The following ANKS1B variants were observed in gnomAD, a reference collection of about 807,000 sequenced individuals.
ANKS1B encodes the protein ankyrin repeat and sterile alpha motif domain-containing protein 1B.
ANKS1B carries 36 observed loss-of-function variants against 148.3 expected under a neutral mutation model. The observed-to-expected ratio is 0.24, with a 90% CI of 0.19 to 0.32. The LOEUF is 0.32. Among genes scored for constraint, ANKS1B ranks in the 10% least tolerant of loss-of-function variants. ANKS1B has a pLI of 1.00. For missense variants in ANKS1B, 1,157 were observed against 1,542.6 expected (o/e 0.75, Z 4.19); for synonymous variants, 542 against 560.8 (o/e 0.97, Z 0.47).
intron 17 of ANKS1B, among the ~76,000 whole-genome samples, chr12:98,995,889 G>C (rs1287984258): frequency 6.6e-6 from 1 of 152,154 alleles, no homozygotes; most frequent in African/African-American, 2.4e-5. Context: ...GAGGACAAGA[G>C]TACTCTGCAC....
At chr12:99,924,074 CT>C (rs1191595657) in intron 1 of ANKS1B, among the ~76,000 whole-genome samples, 1 of 152,120 alleles carries the variant, frequency 6.6e-6, no homozygotes, top group African/African-American at 2.4e-5. Context: ...TCACTTACCC[CT>C]AGTCAAAGAC....
intron 12 of ANKS1B, among the ~76,000 whole-genome samples, chr12:99,322,477 T>TAAAAAAA (rs757165561): frequency 6.1e-5 from 4 of 65,558 alleles, no homozygotes; most frequent in Non-Finnish European, 6.8e-5. Flanking sequence ...GAACTTAAAG[T>TAAAAAAA]AAAAAAAAAA....
intron 1 of ANKS1B, among the ~76,000 whole-genome samples, chr12:99,902,809 G>A (rs996006721): frequency 9.3e-5 from 14 of 150,114 alleles, no homozygotes; most frequent in African/African-American, 3.0e-4. Context: ...GGAATGCAGC[G>A]GCACCATCTC....
rs1448445208 is a variant in ANKS1B at position 99,787,560 on chromosome 12, CAAAATT to C, written c.670-5469_670-5464del. Among the ~76,000 whole-genome samples, 130 of 152,270 alleles carry C rather than the reference CAAAATT, an allele frequency of 8.5e-4. 1 individual carries two copies. Among genetic ancestry groups the C allele is most frequent in the Non-Finnish European group, 1.2e-4 (8 of 68,008 alleles). On this transcript the variant is annotated intron_variant, in intron 4 of 26. Coordinates refer to ENST00000683438, the MANE Select transcript of ANKS1B (RefSeq NM_001352186.2). Reference sequence around the variant, plus strand: ...AAAGAATAAGAGATGAAGGACAGAGCAAAATTGCAGAATATAAGCCTACATCATTTG... The same window carrying C: ...AAAGAATAAGAGATGAAGGACAGAGCGCAGAATATAAGCCTACATCATTTG...
At chr12:98,818,496 C>T (rs988383306) in intron 19 of ANKS1B, among the ~76,000 whole-genome samples, 3 of 152,084 alleles carry the variant, frequency 2.0e-5, no homozygotes, top group Non-Finnish European at 4.4e-5. Context: ...TCCCCAGGTT[C>T]CAGGGATGTT....
At position 98,929,527 on chromosome 12, in the gene ANKS1B, C is replaced by T. The variant is rs981275230; in HGVS notation, c.2779-97391G>A. ...AACTCATACTTCCTGATTTCAAAAC[C>T]TGATACAAAGCTACAGTTATCAAGA... On this transcript the variant is annotated intron_variant, in intron 17 of 26. Transcript: ENST00000683438. Among the ~76,000 whole-genome samples, 5 of 151,964 alleles carry T rather than the reference C, an allele frequency of 3.3e-5. No individual in the cohort carries two copies. In the East Asian group the frequency reaches 9.6e-4, roughly 29 times the overall value.
intron 17 of ANKS1B, among the ~76,000 whole-genome samples, chr12:99,002,837 G>A (rs573631601): frequency 1.3e-5 from 2 of 152,102 alleles, no homozygotes; most frequent in African/African-American, 2.4e-5. Context: ...GTTTTAGTCT[G>A]ATGTAGTCCC....
At chr12:99,170,715 C>CGTGAA (rs2077665080) in intron 14 of ANKS1B, among the ~76,000 whole-genome samples, 2 of 152,064 alleles carry the variant, frequency 1.3e-5, no homozygotes, top group African/African-American at 4.8e-5. Context: ...CTAATTGTAC[C>CGTGAA]GTGAAGTGAT....
chr12:98,757,512 G>A (rs2098278819), intron 25 of ANKS1B, among the ~76,000 whole-genome samples: 1 of 152,208 alleles, frequency 6.6e-6, no homozygotes, highest in South Asian at 2.1e-4. Context: ...CAGGAGCTGT[G>A]ATGAATGCTG....
intron 19 of ANKS1B, among the ~76,000 whole-genome samples, chr12:98,812,826 C>T (rs2099108493): frequency 1.3e-5 from 2 of 152,140 alleles, no homozygotes; most frequent in African/African-American, 2.4e-5. Context: ...ATCCACCCAC[C>T]TTAGCCTCCC....
intron 11 of ANKS1B, among the ~76,000 whole-genome samples, chr12:99,429,799 T>C (rs2095332891): frequency 6.6e-6 from 1 of 151,652 alleles, no homozygotes; most frequent in Non-Finnish European, 1.5e-5. Context: ...CTGTCTCTAC[T>C]AAAAAATACA....
At chr12:99,506,681 C>G (rs1567232123) in intron 9 of ANKS1B, among the ~76,000 whole-genome samples, 1 of 151,692 alleles carries the variant, frequency 6.6e-6, no homozygotes, top group Admixed American at 6.6e-5. Context: ...ATTCTAAGGC[C>G]CATAAAGACA....
chr12:99,928,316 G>A (rs1169167967), intron 1 of ANKS1B, among the ~76,000 whole-genome samples: 2 of 147,166 alleles, frequency 1.4e-5, no homozygotes, highest in African/African-American at 5.0e-5. Flanking sequence ...CTGTCGCCCA[G>A]GCCGGACTGC....
intron 11 of ANKS1B, among the ~76,000 whole-genome samples, chr12:99,412,843 T>C (rs1444300541): frequency 1.3e-5 from 2 of 152,212 alleles, no homozygotes; most frequent in Non-Finnish European, 2.9e-5. Context: ...AGAAAGTAAG[T>C]ATCATTGCCA....
At chr12:98,808,516 C>G (rs2153616845) in intron 19 of ANKS1B, among the ~76,000 whole-genome samples, 1 of 152,172 alleles carries the variant, frequency 6.6e-6, no homozygotes, top group African/African-American at 2.4e-5. Context: ...AGGAAGGAGG[C>G]TGGGGCAGGG....
intron 17 of ANKS1B, among the ~76,000 whole-genome samples, chr12:98,862,289 A>G (rs1401350148): frequency 6.6e-6 from 1 of 152,096 alleles, no homozygotes; most frequent in Non-Finnish European, 1.5e-5. Flanking sequence ...TCAGCCATGT[A>G]TTGCGGGAGA....
chr12:99,147,293 G>A (rs2073462627), intron 15 of ANKS1B, among the ~76,000 whole-genome samples: 1 of 152,142 alleles, frequency 6.6e-6, no homozygotes, highest in Non-Finnish European at 1.5e-5. Flanking sequence ...GGAGTTAAGA[G>A]GGAAAGGAAG....
In ANKS1B at chr12:99,981,080, T is replaced by C. The variant is rs115772986; in HGVS notation, c.134+3024A>G. ...CTCCCAGTCCAATAGGAAGCAAATC[T>C]TTAGTCATTAAGGCCTTAAAGAATA... On this transcript the variant is annotated intron_variant, in intron 1 of 26. Transcript: ENST00000683438. 3.3e-3 allele frequency among the ~76,000 whole-genome samples: 506 copies of C among 152,174 alleles called. 2 individuals are homozygous for C. Among genetic ancestry groups the C allele is most frequent in the African/African-American group, 0.012 (478 of 41,558 alleles).
intron 17 of ANKS1B, among the ~76,000 whole-genome samples, chr12:98,926,385 A>G (rs2099808232): frequency 6.6e-6 from 1 of 152,194 alleles, no homozygotes; most frequent in African/African-American, 2.4e-5. Context: ...CTGCAATAAT[A>G]AAGGGCATCA....
Sources: allele counts gnomAD v4.1 joint callset (sites outside exome capture counted in the v4.1 genomes callset), GRCh38; gene constraint gnomAD v4.1.1; transcripts MANE v1.5; gene names NCBI Gene and HGNC (gene_info 2026-07-23, HGNC 2026-07-21).